NEK1: variants seen among roughly 807,000 people sequenced by gnomAD.
The protein encoded by NEK1 is serine/threonine-protein kinase Nek1.
A neutral mutation model predicts 182.1 loss-of-function variants in NEK1; 137 were observed. The observed-to-expected ratio is 0.75, with a 90% CI of 0.65 to 0.87. NEK1 has a LOEUF of 0.87. Among genes scored for constraint, NEK1 ranks in the 40% least tolerant of loss-of-function variants. The pLI is 0.00. For missense variants in NEK1, 1,391 were observed against 1,494.4 expected, an observed-to-expected ratio of 0.93 and a Z score of 1.14; for synonymous variants, 513 against 492.2, an observed-to-expected ratio of 1.04 and a Z score of -0.56.
intron 22 of NEK1, 101 bp from the exon 23 acceptor site, chr4:169,507,233 C>T: frequency 1.4e-6 from 1 of 717,864 alleles, no homozygotes; most frequent in Non-Finnish European, 2.1e-6. Flanking sequence ...TACTTATTAG[C>T]CAAAAAAGAA....
At chr4:169,396,595 A>C (rs1162719753) in intron 35 of NEK1, among the ~76,000 whole-genome samples, 1 of 152,048 alleles carries the variant, frequency 6.6e-6, no homozygotes. Flanking sequence ...ATGGAAAAAA[A>C]AGCATTAACT....
chr4:169,551,099 C>G (rs1335842400), intron 18 of NEK1, among the ~76,000 whole-genome samples: 1 of 152,180 alleles, frequency 6.6e-6, no homozygotes, highest in African/African-American at 2.4e-5. Flanking sequence ...TTATAGGAAT[C>G]TAGTTTGTCA....
chr4:169,404,062 C>G (rs1732155093), intron 32 of NEK1, among the ~76,000 whole-genome samples: 1 of 114,992 alleles, frequency 8.7e-6, no homozygotes, highest in East Asian at 2.4e-4. Flanking sequence ...ATAACACAAA[C>G]TTAGCAGCTT....
chr4:169,400,583 T>G lies in NEK1; in HGVS notation c.3652A>C (p.Arg1218=). 6.2e-7 allele frequency: 1 copy of G among 1,609,274 alleles called. No homozygotes were observed. Among genetic ancestry groups the G allele is most frequent in the Admixed American group, 1.7e-5 (1 of 59,408 alleles). ...CCCATTTCCTGCTCCAGATGAAGTC[T>G]CAGTTCCTCTAAATGGTTAAAGACA... ...DSVFNHLEEL[R]LHLEQEMGFE... Residue 1218 remains arginine (R), a synonymous_variant, in exon 34 of 36, where the codon AGA becomes CGA. Transcript: ENST00000507142.
intron 12 of NEK1, among the ~76,000 whole-genome samples, chr4:169,572,650 G>A (rs2150012997): frequency 6.6e-6 from 1 of 152,294 alleles, no homozygotes; most frequent in Middle Eastern, 3.4e-3. Context: ...CCCTGGAGGT[G>A]AGGAGGAACT....
chr4:169,501,846 A>G (rs1161454313), intron 23 of NEK1, among the ~76,000 whole-genome samples: 1 of 152,158 alleles, frequency 6.6e-6, no homozygotes, highest in African/African-American at 2.4e-5. Context: ...AGGAACTAGA[A>G]GAACAAAAAG....
At chr4:169,410,554 G>A (rs557003180) in intron 31 of NEK1, among the ~76,000 whole-genome samples, 19 of 152,224 alleles carry the variant, frequency 1.2e-4, no homozygotes, top group African/African-American at 4.3e-4. Context: ...ATTAAATGCT[G>A]CTGCTGCTCT....
At chr4:169,418,483 G>A (rs1416911914) in intron 31 of NEK1, among the ~76,000 whole-genome samples, 1 of 152,080 alleles carries the variant, frequency 6.6e-6, no homozygotes, top group African/African-American at 2.4e-5. Context: ...GATGGAACTC[G>A]CACATAAGGA....
rs1187830314 is a variant in NEK1, at chr4:169,401,638, C to T, written c.3583+14G>A. ...AACTGAAAAAGAAAAAGGTCCAAAACTCTGATCATGCACCTGAGTGCCATT... is the reference window on the plus strand; with the variant it reads ...AACTGAAAAAGAAAAAGGTCCAAAATTCTGATCATGCACCTGAGTGCCATT... On this transcript the variant is annotated intron_variant, in intron 33 of 35. Coordinates refer to ENST00000507142, the MANE Select transcript of NEK1 (RefSeq NM_001199397.3). 1 of 1,609,056 alleles carries T rather than the reference C, an allele frequency of 6.2e-7. No homozygotes were observed. Among genetic ancestry groups the T allele is most frequent in the East Asian group, 2.2e-5 (1 of 44,820 alleles).
At chr4:169,450,977 G>T (rs1010014587) in intron 27 of NEK1, among the ~76,000 whole-genome samples, 1 of 152,110 alleles carries the variant, frequency 6.6e-6, no homozygotes, top group Non-Finnish European at 1.5e-5. Flanking sequence ...AAAAGCGGGG[G>T]TTGCCATCCT....
At chr4:169,441,477 G>A (rs1461572929) in intron 27 of NEK1, among the ~76,000 whole-genome samples, 1 of 152,162 alleles carries the variant, frequency 6.6e-6, no homozygotes, top group African/African-American at 2.4e-5. Flanking sequence ...CACAGTCAGG[G>A]GGCCTGAGGA....
At chr4:169,564,394 C>T (rs1001448115) in intron 12 of NEK1, among the ~76,000 whole-genome samples, 1 of 151,974 alleles carries the variant, frequency 6.6e-6, no homozygotes, top group South Asian at 2.1e-4. Context: ...ACTAACAATT[C>T]CATTTTAACA....
intron 18 of NEK1, among the ~76,000 whole-genome samples, chr4:169,549,175 C>G (rs115056321): frequency 1.3e-5 from 2 of 152,272 alleles, no homozygotes; most frequent in South Asian, 2.1e-4. Context: ...CCAGAGTGCA[C>G]GGTACAGTTC....
chr4:169,559,893 C>T (rs1242721235), intron 16 of NEK1, among the ~76,000 whole-genome samples: 1 of 152,092 alleles, frequency 6.6e-6, no homozygotes, highest in African/African-American at 2.4e-5. Flanking sequence ...CCTGTAATCC[C>T]AGCTACTCCG....
intron 12 of NEK1, among the ~76,000 whole-genome samples, chr4:169,567,094 A>C (rs1433984687): frequency 1.3e-5 from 2 of 148,332 alleles, no homozygotes; most frequent in Non-Finnish European, 2.9e-5. Flanking sequence ...TCTCAAAAAA[A>C]AAGAAAAAAA....
At chr4:169,504,804 T>G (rs1752963685) in intron 23 of NEK1, among the ~76,000 whole-genome samples, 1 of 152,164 alleles carries the variant, frequency 6.6e-6, no homozygotes. Flanking sequence ...GATTCAGTAT[T>G]TGATAGCACA....
intron 27 of NEK1, among the ~76,000 whole-genome samples, chr4:169,442,467 C>A (rs939324191): frequency 1.3e-5 from 2 of 151,918 alleles, no homozygotes; most frequent in Non-Finnish European, 2.9e-5. Flanking sequence ...AAAGTCAATC[C>A]GTAAAATCGG....
chr4:169,590,400 T>G (rs4235024), intron 6 of NEK1, among the ~76,000 whole-genome samples: 69,339 of 151,790 alleles, frequency 0.46, 18,534 homozygotes, highest in East Asian at 0.76. Flanking sequence ...ATGTCCAGAA[T>G]AGGCCAATCC....
intron 12 of NEK1, among the ~76,000 whole-genome samples, chr4:169,567,097 G>GA (rs201538192): frequency 0.084 from 12,096 of 143,690 alleles, 1,588 homozygotes; most frequent in African/African-American, 0.28. Context: ...CAAAAAAAAA[G>GA]AAAAAAAAAA....
Sources: gnomAD v4.1 joint callset for allele counts (sites outside exome capture counted in the v4.1 genomes callset) on GRCh38, gnomAD v4.1.1 for gene constraint, MANE v1.5 for transcripts, NCBI Gene and HGNC (gene_info 2026-07-23, HGNC 2026-07-21) for gene names.